The following ST6GALNAC5 variants were observed in gnomAD, a reference collection of about 807,000 sequenced individuals.
ST6GALNAC5 encodes the protein alpha-N-acetylgalactosaminide alpha-2,6-sialyltransferase 5.
In ST6GALNAC5, 27 loss-of-function variants were observed where a neutral mutation model predicts 33.6. The ratio of observed to expected loss-of-function variants is 0.80; its 90% CI spans 0.59 to 1.11. The LOEUF (loss-of-function observed/expected upper bound fraction) is 1.11, where lower values mean the gene tolerates loss of function less well. Among genes scored for constraint, ST6GALNAC5 ranks in the 50% least tolerant of loss-of-function variants. The pLI, the probability that ST6GALNAC5 is intolerant of heterozygous loss-of-function variation, is 0.00. For synonymous variants in ST6GALNAC5, 194 were observed against 171.2 expected (o/e 1.13, Z -1.04); for missense variants, 428 against 454.0 (o/e 0.94, Z 0.52).
chr1:76,914,102 G>T (rs1033283910), intron 2 of ST6GALNAC5, among the ~76,000 whole-genome samples: 6 of 152,106 alleles, frequency 3.9e-5, no homozygotes, highest in African/African-American at 1.4e-4. Flanking sequence ...GCTTCAAAGA[G>T]AATAAAATAC....
chr1:76,964,002 C>A (rs974681833), intron 2 of ST6GALNAC5, among the ~76,000 whole-genome samples: 6 of 152,028 alleles, frequency 3.9e-5, no homozygotes, highest in African/African-American at 1.2e-4. Flanking sequence ...GGGCCATGAG[C>A]CAAGGAATGT....
At chr1:76,946,183 G>A (rs553281757) in intron 2 of ST6GALNAC5, among the ~76,000 whole-genome samples, 1 of 152,018 alleles carries the variant, frequency 6.6e-6, no homozygotes, top group South Asian at 2.1e-4. Flanking sequence ...AAGACTAAAA[G>A]CTACCTTCCA....
intron 4 of ST6GALNAC5, among the ~76,000 whole-genome samples, chr1:77,059,081 C>T (rs175318): frequency 0.66 from 99,715 of 152,130 alleles, 34,890 homozygotes; most frequent in African/African-American, 0.91. Flanking sequence ...ATTTTTGTTT[C>T]AAATAATTTT....
intron 4 of ST6GALNAC5, among the ~76,000 whole-genome samples, chr1:77,052,917 C>CAAA (rs34398611): frequency 5.7e-4 from 40 of 69,868 alleles, no homozygotes; most frequent in Non-Finnish European, 7.3e-4. Context: ...GGCTCTGTCT[C>CAAA]AAAAAAAAAA....
intron 2 of ST6GALNAC5, among the ~76,000 whole-genome samples, chr1:76,896,463 C>T (rs923685317): frequency 2.2e-4 from 34 of 152,214 alleles, no homozygotes; most frequent in Admixed American, 4.6e-4. Context: ...TTCTAAGAGG[C>T]GGGCTAGTGG....
intron 1 of ST6GALNAC5, among the ~76,000 whole-genome samples, chr1:76,867,988 G>A (rs1221938532): frequency 6.6e-6 from 1 of 152,168 alleles, no homozygotes; most frequent in African/African-American, 2.4e-5. Context: ...ATTGCTCAAG[G>A]GATGGGGGTG....
intron 2 of ST6GALNAC5, among the ~76,000 whole-genome samples, chr1:77,017,485 C>T (rs547605569): frequency 1.8e-4 from 27 of 152,274 alleles, no homozygotes; most frequent in Admixed American, 7.2e-4. Context: ...CCTCTCTGCA[C>T]GTCAGGGCTG....
At chr1:76,975,465 G>C (rs140882233) in intron 2 of ST6GALNAC5, among the ~76,000 whole-genome samples, 2,315 of 152,298 alleles carry the variant, frequency 0.015, 54 homozygotes, top group African/African-American at 0.053. Flanking sequence ...AGAATGTTTA[G>C]TGAAGCATTA....
intron 2 of ST6GALNAC5, among the ~76,000 whole-genome samples, chr1:76,869,240 C>G (rs185762339): frequency 2.0e-5 from 3 of 152,174 alleles, no homozygotes; most frequent in Admixed American, 2.0e-4. Context: ...TGAATTCTCT[C>G]AGCCCTGGGG....
At chr1:76,993,233 T>C (rs1253536102) in intron 2 of ST6GALNAC5, among the ~76,000 whole-genome samples, 1 of 152,232 alleles carries the variant, frequency 6.6e-6, no homozygotes, top group Non-Finnish European at 1.5e-5. Flanking sequence ...CTATTTTGTC[T>C]ATCTCTGTGT....
At chr1:76,920,760 G>T (rs1647026447) in intron 2 of ST6GALNAC5, among the ~76,000 whole-genome samples, 1 of 152,154 alleles carries the variant, frequency 6.6e-6, no homozygotes, top group African/African-American at 2.4e-5. Flanking sequence ...GGCCAATCTG[G>T]CATTTATACT....
chr1:77,054,632 C>A (rs1652331936), intron 4 of ST6GALNAC5, among the ~76,000 whole-genome samples: 1 of 151,996 alleles, frequency 6.6e-6, no homozygotes, highest in African/African-American at 2.4e-5. Flanking sequence ...GGCAGTGGGG[C>A]AGAGAGAGAA....
intron 2 of ST6GALNAC5, among the ~76,000 whole-genome samples, chr1:76,918,798 C>T (rs1647002462): frequency 6.6e-6 from 1 of 152,084 alleles, no homozygotes; most frequent in Non-Finnish European, 1.5e-5. Flanking sequence ...CTGTTACACA[C>T]ACACAGGCAC....
chr1:76,909,702 TTA>T (rs59603020), intron 2 of ST6GALNAC5, among the ~76,000 whole-genome samples: 3,509 of 152,064 alleles, frequency 0.023, 144 homozygotes, highest in African/African-American at 0.081. Flanking sequence ...ACAGGAAAAT[TTA>T]TAGAGTGCTC....
At chr1:77,052,080 C>A (rs1652238344) in intron 4 of ST6GALNAC5, among the ~76,000 whole-genome samples, 1 of 152,206 alleles carries the variant, frequency 6.6e-6, no homozygotes, top group Non-Finnish European at 1.5e-5. Flanking sequence ...AATGTCAATG[C>A]ATTACATATT....
intron 2 of ST6GALNAC5, among the ~76,000 whole-genome samples, chr1:76,932,806 T>C (rs1054971264): frequency 6.6e-6 from 1 of 152,006 alleles, no homozygotes; most frequent in African/African-American, 2.4e-5. Context: ...CTTAGTATAG[T>C]TAGAGGAAGA....
At chr1:76,973,858 C>G (rs1648869548) in intron 2 of ST6GALNAC5, among the ~76,000 whole-genome samples, 1 of 151,978 alleles carries the variant, frequency 6.6e-6, no homozygotes, top group Admixed American at 6.6e-5. Context: ...CAACCTTTTC[C>G]TAAAGTTTCA....
chr1:77,038,570 A>G (rs199694), intron 2 of ST6GALNAC5, among the ~76,000 whole-genome samples: 23,815 of 152,192 alleles, frequency 0.16, 2,400 homozygotes, highest in African/African-American at 0.28. Context: ...CGGAAGCCTG[A>G]TATTGCCATG....
intron 2 of ST6GALNAC5, among the ~76,000 whole-genome samples, chr1:77,036,057 TAATC>T (rs1220475739): frequency 1.3e-5 from 2 of 152,104 alleles, no homozygotes; most frequent in South Asian, 2.1e-4. Context: ...TGGACAAAAA[TAATC>T]AAAGTACTGA....
Sources: allele counts gnomAD v4.1 joint callset (sites outside exome capture counted in the v4.1 genomes callset), GRCh38; gene constraint gnomAD v4.1.1; transcripts MANE v1.5; gene names NCBI Gene and HGNC (gene_info 2026-07-23, HGNC 2026-07-21).